EIF3L: variants seen among roughly 807,000 people sequenced by gnomAD.
EIF3L encodes the protein eukaryotic translation initiation factor 3 subunit L.
EIF3L carries 32 observed loss-of-function variants against 74.6 expected under a neutral mutation model. That is an observed-to-expected ratio of 0.43 (90% CI 0.32 to 0.58). The LOEUF is 0.58. Among genes scored for constraint, EIF3L ranks in the 20% least tolerant of loss-of-function variants. The probability of loss-of-function intolerance (pLI) is 0.06; values close to 1 mark genes in which losing one functional copy is unlikely to be tolerated. For missense variants in EIF3L, 474 were observed against 707.8 expected (o/e 0.67, Z 3.75); for synonymous variants, 256 against 254.4 (o/e 1.01, Z -0.06).
At chr22:37,850,175 G>A in intron 2 of EIF3L, 112 bp downstream of exon 2, 28 of 1,229,928 alleles carry the variant, frequency 2.3e-5, no homozygotes, top group Non-Finnish European at 3.2e-5. Context: ...TCCAGGTTTG[G>A]AGTCAGTCAT....
chr22:37,855,673 A>G (rs1385026729), intron 4 of EIF3L, 29 bp downstream of exon 4: 1 of 1,589,254 alleles, frequency 6.3e-7, no homozygotes, highest in Admixed American at 1.7e-5. Context: ...TATCTTGTGC[A>G]CTGAGTGGAA....
chr22:37,867,735 A>G (rs1309037324), intron 7 of EIF3L, among the ~76,000 whole-genome samples: 5 of 151,130 alleles, frequency 3.3e-5, no homozygotes, highest in Non-Finnish European at 5.9e-5. Flanking sequence ...CAGGCGGATC[A>G]TGAGGTCAAG....
At chr22:37,870,412 G>T in intron 8 of EIF3L, 65 bp downstream of exon 8, 2 of 1,485,520 alleles carry the variant, frequency 1.3e-6, no homozygotes, top group South Asian at 1.3e-5. Context: ...TGTTCCAAAT[G>T]AATAGATCAC....
At chr22:37,863,399 C>A in intron 7 of EIF3L, 54 bp downstream of exon 7, 1 of 1,405,218 alleles carries the variant, frequency 7.1e-7, no homozygotes, top group Non-Finnish European at 1.0e-6. Flanking sequence ...CCAGGAATAG[C>A]TGTTACTATT....
intron 3 of EIF3L, 56 bp from the exon 4 acceptor site, chr22:37,855,509 G>C: frequency 6.6e-7 from 1 of 1,505,486 alleles, no homozygotes; most frequent in Non-Finnish European, 9.2e-7. Context: ...TAAAATGTTA[G>C]GATTGGCATT....
At chr22:37,850,799 T>G (rs1925162970) in intron 2 of EIF3L, among the ~76,000 whole-genome samples, 1 of 152,236 alleles carries the variant, frequency 6.6e-6, no homozygotes, top group South Asian at 2.1e-4. Flanking sequence ...ATATTTTGTT[T>G]AATCCTTACA....
intron 11 of EIF3L, chr22:37,883,192 A>C (rs1488528649): frequency 6.7e-6 from 1 of 149,126 alleles, no homozygotes; most frequent in Non-Finnish European, 1.5e-5. Flanking sequence ...GCTACTCCGG[A>C]GGCTGAGGCA....
intron 11 of EIF3L, chr22:37,882,427 A>G (rs1032642713): frequency 5.3e-5 from 8 of 152,158 alleles, no homozygotes; most frequent in African/African-American, 1.9e-4. Flanking sequence ...TAATCCTATC[A>G]CTTTGGGAGG....
intron 3 of EIF3L, among the ~76,000 whole-genome samples, chr22:37,854,672 G>T (rs1027463837): frequency 2.6e-5 from 4 of 152,106 alleles, no homozygotes; most frequent in Non-Finnish European, 4.4e-5. Context: ...TCACCGTGTT[G>T]GTCAGGCTGG....
chr22:37,853,124 G>C (rs965560391), intron 3 of EIF3L, among the ~76,000 whole-genome samples: 1 of 152,120 alleles, frequency 6.6e-6, no homozygotes, highest in Non-Finnish European at 1.5e-5. Flanking sequence ...TGATGAGTCC[G>C]TATCTGTACA....
intron 3 of EIF3L, among the ~76,000 whole-genome samples, chr22:37,852,946 G>C (rs1465950532): frequency 6.6e-6 from 1 of 152,192 alleles, no homozygotes; most frequent in Non-Finnish European, 1.5e-5. Flanking sequence ...CTAGCAAATG[G>C]ATCCAAGTCA....
At position 37,850,028 on chromosome 22, in the gene EIF3L, C is replaced by T; in HGVS notation, c.47C>T (p.Pro16Leu). The T allele has an allele frequency of 6.2e-7, 1 of 1,613,782 alleles. No homozygotes were observed. Reference protein sequence around the residue: ...DDYESEAAYDPYAYPSDYDMH... With the variant: ...DDYESEAAYDLYAYPSDYDMH... Reference sequence around the variant, plus strand: ...CTTTCCTTCTAGGCGGCTTATGACCCCTACGCTTATCCCAGCGACTATGAT... The same window carrying T: ...CTTTCCTTCTAGGCGGCTTATGACCTCTACGCTTATCCCAGCGACTATGAT... Residue 16 changes from proline to leucine, a missense_variant, in exon 2 of 13, where the codon CCC (proline) becomes CTC (leucine). Around this residue, in one of 4 missense-constraint regions of EIF3L, gnomAD observed 39 missense variants for 24.2 expected, o/e 1.61. Coordinates refer to ENST00000652021, the MANE Select transcript of EIF3L (RefSeq NM_016091.4).
chr22:37,850,539 G>A (rs1349305777), intron 2 of EIF3L: 5 of 222,378 alleles, frequency 2.2e-5, no homozygotes, highest in African/African-American at 4.7e-5. Context: ...AGGTTTCGCC[G>A]TGTTGTCCAG....
intron 11 of EIF3L, chr22:37,880,413 C>G (rs1926990245): frequency 1.3e-5 from 2 of 150,464 alleles, no homozygotes; most frequent in South Asian, 4.2e-4. Context: ...GCATCCGGCT[C>G]TCTTTTTTGA....
chr22:37,866,795 A>C (rs1391869958), intron 7 of EIF3L, among the ~76,000 whole-genome samples: 3 of 151,960 alleles, frequency 2.0e-5, no homozygotes, highest in Admixed American at 2.0e-4. Flanking sequence ...CAAAAAAAAC[A>C]AAAAACAAAA....
intron 11 of EIF3L, chr22:37,878,414 T>G: frequency 4.9e-6 from 1 of 203,506 alleles, no homozygotes; most frequent in Admixed American, 6.4e-5. Context: ...ACCTTTTCTC[T>G]ATTAAAAAAA....
chr22:37,871,919 T>C (rs556510086), intron 8 of EIF3L, among the ~76,000 whole-genome samples: 1 of 151,650 alleles, frequency 6.6e-6, no homozygotes, highest in African/African-American at 2.4e-5. Context: ...TATGCAGATA[T>C]TAAAAATTGC....
intron 5 of EIF3L, among the ~76,000 whole-genome samples, chr22:37,860,832 C>T (rs1246283191): frequency 6.6e-6 from 1 of 152,182 alleles, no homozygotes; most frequent in Non-Finnish European, 1.5e-5. Flanking sequence ...CAGCATGATC[C>T]TTTTGCTACA....
Position 37,855,426 on chromosome 22 carries a change from TGGGCTTGAA to T in EIF3L, c.294-132_294-124del, listed in dbSNP as rs547683097. 312 of 666,810 alleles carry T rather than the reference TGGGCTTGAA, an allele frequency of 4.7e-4. 4 individuals carry two copies. In the South Asian group the frequency reaches 5.4e-3, roughly 12 times the overall value. 41.3% of individuals were successfully genotyped at this position (666,810 alleles called of 1,614,324 possible). On this transcript the variant is annotated intron_variant, in intron 3 of 12. Transcript: ENST00000652021. ...TGTGGAGTTGGGTTGAGGACAGTTGTGGGCTTGAAGGGCTTTGGCCTCAGCTCTGTTTAT... is the reference window on the plus strand; with the variant it reads ...TGTGGAGTTGGGTTGAGGACAGTTGTGGGCTTTGGCCTCAGCTCTGTTTAT...
Sources: gnomAD v4.1 joint callset for allele counts (sites outside exome capture counted in the v4.1 genomes callset) on GRCh38, gnomAD v4.1.1 for gene constraint, gnomAD v4.1.1 regional missense constraint, MANE v1.5 for transcripts, NCBI Gene and HGNC (gene_info 2026-07-23, HGNC 2026-07-21) for gene names.